Variants in MDM4 observed in about 807,000 individuals in gnomAD.
MDM4 encodes protein Mdm4.
A neutral mutation model predicts 60.2 loss-of-function variants in MDM4; 2 were observed. The ratio of observed to expected loss-of-function variants is 0.03; its 90% CI spans 0.01 to 0.10. MDM4 has a LOEUF of 0.10. Ranked by LOEUF, MDM4 falls within the 10% of genes least tolerant of loss-of-function variation. MDM4 has a pLI of 1.00. For missense variants in MDM4, 447 were observed against 577.5 expected (o/e 0.77, Z 2.32); for synonymous variants, 202 against 198.1 (o/e 1.02, Z -0.17).
rs192938080 is a variant in MDM4 at position 204,554,814 on chromosome 1, T to C, written c.*5132T>C. ...CTATATTCTCCCTTTATAGGAGCCA[T>C]TGGATTTCTTTCCTTTTGTGGGAAA... On this transcript the variant is annotated 3_prime_UTR_variant, in exon 11 of 11. Coordinates refer to ENST00000367182, the MANE Select transcript of MDM4 (RefSeq NM_002393.5). 1.6e-3 allele frequency: 351 copies of C among 225,484 alleles called. 1 individual carries two copies. The highest frequency in any genetic ancestry group is 7.1e-3 in the African/African-American group (319 of 45,030). The allele number at this position is 225,484 out of a possible 1,614,324, so 14.0% of individuals were successfully genotyped here.
chr1:204,551,979 TAAAAAAA>T lies in MDM4; in HGVS notation c.*2311_*2317del. ...CTAACACTAACAATAGCTGATGAGC[TAAAAAAA>T]AAAAAAAAAAAAATCGTGGACCGGG... is the stretch of plus-strand genomic sequence containing the variant. On this transcript the variant is annotated 3_prime_UTR_variant, in exon 11 of 11. Coordinates refer to ENST00000367182, the MANE Select transcript of MDM4 (RefSeq NM_002393.5). The T allele has an allele frequency of 1.5e-5, 2 of 136,432 alleles. No homozygotes were observed. Among genetic ancestry groups the T allele is most frequent in the African/African-American group, 3.3e-5 (1 of 30,384 alleles). 8.5% of individuals were successfully genotyped at this position (136,432 alleles called of 1,614,324 possible).
chr1:204,539,545 T>TTTGG (rs1661813143), intron 7 of MDM4, among the ~76,000 whole-genome samples: 1 of 150,832 alleles, frequency 6.6e-6, no homozygotes, highest in African/African-American at 2.4e-5. Flanking sequence ...TTTTGTTTTT[T>TTTGG]TTTTTTTGAG....
chr1:204,556,683 C>T lies in MDM4; in HGVS notation c.*7001C>T, dbSNP rs888636948. 4.8e-5 allele frequency: 10 copies of T among 209,408 alleles called. No homozygotes were observed. Among genetic ancestry groups the T allele is most frequent in the African/African-American group, 6.8e-5 (3 of 43,924 alleles). 13.0% of individuals were successfully genotyped at this position (209,408 alleles called of 1,614,324 possible). On this transcript the variant is annotated 3_prime_UTR_variant, in exon 11 of 11. Coordinates refer to ENST00000367182, the MANE Select transcript of MDM4 (RefSeq NM_002393.5). ...TGCAATCCAAGGTGGGTGACAGAGACGCTGTCTCAAAGAAATTGAGGTCAG... is the reference window on the plus strand; with the variant it reads ...TGCAATCCAAGGTGGGTGACAGAGATGCTGTCTCAAAGAAATTGAGGTCAG...
chr1:204,532,857 T>A (rs770292206), intron 5 of MDM4: 5 of 1,591,500 alleles, frequency 3.1e-6, no homozygotes, highest in Non-Finnish European at 4.3e-6. Context: ...TTCTTTACCC[T>A]CTCTATTTTT....
chr1:204,524,092 G>A (rs1052799768), intron 1 of MDM4, among the ~76,000 whole-genome samples: 2 of 152,140 alleles, frequency 1.3e-5, no homozygotes, highest in African/African-American at 4.8e-5. Flanking sequence ...GCTAGGAGGG[G>A]GTTGTTTACT....
chr1:204,545,068 A>AT (rs1157926010), intron 9 of MDM4, among the ~76,000 whole-genome samples: 7 of 151,778 alleles, frequency 4.6e-5, no homozygotes, highest in African/African-American at 9.7e-5. Flanking sequence ...TTTTCTTGCG[A>AT]TTTTTTTTCT....
rs1663575485 is a variant in MDM4, at chr1:204,556,954, A to G, written c.*7272A>G. On this transcript the variant is annotated 3_prime_UTR_variant, in exon 11 of 11. Coordinates refer to ENST00000367182, the MANE Select transcript of MDM4 (RefSeq NM_002393.5). Reference sequence around the variant, plus strand: ...ATGCACTATTAAGTGCCTCTTGGGTAGAGGTAGAGTTAAGTATTGAGTGCC... The same window carrying G: ...ATGCACTATTAAGTGCCTCTTGGGTGGAGGTAGAGTTAAGTATTGAGTGCC... 4.8e-6 allele frequency: 1 copy of G among 208,700 alleles called. No homozygotes were observed. 12.9% of individuals were successfully genotyped at this position (208,700 alleles called of 1,614,324 possible). A position where few individuals can be genotyped will look rare whatever the true frequency, so the allele number is the denominator to read the frequency against.
rs573776326 is a variant in MDM4, at chr1:204,543,198, A to G, written c.672+254A>G. Among the ~76,000 whole-genome samples the G allele has an allele frequency of 2.0e-5, 3 of 152,290 alleles. No homozygotes were observed. In the East Asian group the frequency reaches 5.8e-4, roughly 29 times the overall value. On this transcript the variant is annotated intron_variant, in intron 8 of 10. Transcript: ENST00000367182. ...GGATTTGACATTGAACAATTTCAAA[A>G]TGGAGCCTTTGGCTGTGCGTAGTGG...
intron 3 of MDM4, 137 bp from the exon 4 acceptor site, chr1:204,530,547 C>A: frequency 1.9e-6 from 2 of 1,073,932 alleles, no homozygotes; most frequent in South Asian, 1.5e-5. Context: ...GTTGTAGGAC[C>A]CCTTACACAA....
Position 204,538,303 on chromosome 1 carries a change from G to A in MDM4, c.506G>A (p.Arg169Lys). 1 of 1,541,038 alleles carries A rather than the reference G, an allele frequency of 6.5e-7. No individual in the cohort carries two copies. The highest frequency in any genetic ancestry group is 9.0e-7 in the Non-Finnish European group (1 of 1,114,160). Reference sequence around the variant, plus strand: ...TCAGAGCATAAATGCATACATTCTAGAGAAGGTATGTTTTGGATTAAGGCT... The same window carrying A: ...TCAGAGCATAAATGCATACATTCTAAAGAAGGTATGTTTTGGATTAAGGCT... ...PTSEHKCIHS[R>K]EDEDLIENLA... is the part of the protein sequence containing the mutation. The change falls in exon 7 of 11, where the codon AGA (arginine) becomes AAA (lysine). Residue 169 changes from arginine (R) to lysine (K), a missense_variant. By Grantham distance (26) the Arg-to-Lys change is conservative. This residue lies in a region of MDM4 where 184 missense variants were observed against 179.3 expected (regional missense o/e 1.03). Transcript: ENST00000367182.
chr1:204,535,157 C>CTTTT (rs869147485), intron 5 of MDM4, among the ~76,000 whole-genome samples: 1 of 130,146 alleles, frequency 7.7e-6, no homozygotes, highest in African/African-American at 2.8e-5. Context: ...AATGGTAGTT[C>CTTTT]TTTTTTTTTT....
intron 9 of MDM4, 124 bp downstream of exon 9, chr1:204,544,808 T>C (rs973003972): frequency 3.0e-5 from 27 of 905,440 alleles, no homozygotes; most frequent in Admixed American, 1.9e-4. Flanking sequence ...CTTTAATTAA[T>C]TTTTCAATCC....
chr1:204,529,923 C>A (rs1035061975), intron 3 of MDM4, among the ~76,000 whole-genome samples: 3 of 152,184 alleles, frequency 2.0e-5, no homozygotes, highest in Non-Finnish European at 4.4e-5. Flanking sequence ...GTCACCCATG[C>A]TGGAATGCAG....
chr1:204,529,293 G>C (rs1220065900), intron 3 of MDM4: 2 of 753,384 alleles, frequency 2.7e-6, no homozygotes, highest in East Asian at 4.9e-5. Context: ...CCTCCTTCAT[G>C]GAGATAAAGC....
chr1:204,549,377 A>C lies in MDM4; in HGVS notation c.1168A>C (p.Asn390His), dbSNP rs1294700976. 6.2e-7 allele frequency: 1 copy of C among 1,614,114 alleles called. No homozygotes were observed. Among genetic ancestry groups the C allele is most frequent in the Admixed American group, 1.7e-5 (1 of 59,996 alleles). The change falls in exon 11 of 11, where the codon AAC (asparagine) becomes CAC (histidine). Residue 390 changes from asparagine to histidine, a missense_variant. Physicochemically the swap from Asn to His is moderately conservative, Grantham distance 68. Coordinates refer to ENST00000367182, the MANE Select transcript of MDM4 (RefSeq NM_002393.5). ...KENSKLFDPCNSVEFLDLAHS... is the reference protein window; with the variant it reads ...KENSKLFDPCHSVEFLDLAHS... ...AAACTCCAAACTTTTTGATCCCTGC[A>C]ACTCAGTGGAATTCTTGGATTTGGC... is the stretch of plus-strand genomic sequence containing the variant.
intron 5 of MDM4, among the ~76,000 whole-genome samples, chr1:204,535,572 C>T (rs181798256): frequency 6.6e-5 from 10 of 152,048 alleles, no homozygotes; most frequent in African/African-American, 2.2e-4. Flanking sequence ...CTCGCTTTGT[C>T]GACTAGGCTG....
intron 7 of MDM4, among the ~76,000 whole-genome samples, chr1:204,541,319 T>A (rs1662054418): frequency 6.6e-6 from 1 of 152,078 alleles, no homozygotes; most frequent in Admixed American, 6.6e-5. Flanking sequence ...AGTAGAAAAT[T>A]AGCTGGGCAT....
intron 1 of MDM4, among the ~76,000 whole-genome samples, chr1:204,519,891 A>G (rs576368069): frequency 1.3e-5 from 2 of 152,320 alleles, no homozygotes; most frequent in Non-Finnish European, 2.9e-5. Flanking sequence ...AACAGAACGG[A>G]TACAACTGAG....
In MDM4 at chr1:204,550,137, T is replaced by C. The variant is rs1663067610; in HGVS notation, c.*455T>C. ...TTCATGGCTCTCACCCTAGTTTTTT[T>C]TTTTTTTGCACTTTTTTTTTTCCGG... On this transcript the variant is annotated 3_prime_UTR_variant, in exon 11 of 11. Transcript: ENST00000367182. The C allele has an allele frequency of 8.5e-6, 2 of 234,562 alleles. No individual in the cohort carries two copies. The highest frequency in any genetic ancestry group is 1.2e-4 in the East Asian group (2 of 16,588). 14.5% of individuals were successfully genotyped at this position (234,562 alleles called of 1,614,324 possible).
Sources: allele counts gnomAD v4.1 joint callset (sites outside exome capture counted in the v4.1 genomes callset), GRCh38; gene constraint gnomAD v4.1.1; regional missense constraint gnomAD v4.1.1; transcripts MANE v1.5; gene names NCBI Gene and HGNC (gene_info 2026-07-23, HGNC 2026-07-21).